The following CPNE1 variants were observed in gnomAD, a reference collection of about 807,000 sequenced individuals.
The protein encoded by CPNE1 is copine-1.
Under a neutral mutation model 63.2 loss-of-function variants are expected in CPNE1, and 58 were observed. The observed-to-expected ratio is 0.92, with a 90% CI of 0.74 to 1.14. The LOEUF is 1.14. Ranked by LOEUF, CPNE1 falls within the 50% of genes most tolerant of loss-of-function variation. The pLI, the probability that CPNE1 is intolerant of heterozygous loss-of-function variation, is 0.00. For missense variants in CPNE1, 672 were observed against 661.7 expected, an observed-to-expected ratio of 1.02 and a Z score of -0.17; for synonymous variants, 237 against 249.0, an observed-to-expected ratio of 0.95 and a Z score of 0.45.
At chr20:35,655,584 A>G (rs1355085839) in intron 1 of CPNE1, among the ~76,000 whole-genome samples, 3 of 152,230 alleles carry the variant, frequency 2.0e-5, no homozygotes, top group Non-Finnish European at 4.4e-5. Context: ...CCCAAGACTC[A>G]AAAAGTTCAA....
intron 1 of CPNE1, among the ~76,000 whole-genome samples, chr20:35,637,248 A>G (rs2032539118): frequency 6.6e-6 from 1 of 152,036 alleles, no homozygotes; most frequent in Non-Finnish European, 1.5e-5. Context: ...CCCAGATGCC[A>G]GCTTCCAGTC....
intron 1 of CPNE1, among the ~76,000 whole-genome samples, chr20:35,638,205 T>G (rs957318233): frequency 2.0e-5 from 3 of 152,182 alleles, no homozygotes; most frequent in African/African-American, 7.2e-5. Context: ...TGAATGTGCT[T>G]TTGCTCAAGT....
chr20:35,640,682 A>C (rs1281919233), intron 1 of CPNE1, among the ~76,000 whole-genome samples: 1 of 152,096 alleles, frequency 6.6e-6, no homozygotes, highest in Non-Finnish European at 1.5e-5. Context: ...CTCCTCTTGG[A>C]CTGTAACTTC....
At chr20:35,663,919 C>G (rs529125015) in intron 1 of CPNE1, among the ~76,000 whole-genome samples, 1 of 152,200 alleles carries the variant, frequency 6.6e-6, no homozygotes, top group African/African-American at 2.4e-5. Flanking sequence ...ACCCACCCTC[C>G]GCAGCCCACT....
At chr20:35,628,482 G>A (rs994216144) in intron 13 of CPNE1, among the ~76,000 whole-genome samples, 5 of 152,000 alleles carry the variant, frequency 3.3e-5, no homozygotes, top group Non-Finnish European at 5.9e-5. Flanking sequence ...CTGGTAATAG[G>A]ACAAATCAAC....
At position 35,631,862 on chromosome 20, in the gene CPNE1, T is replaced by C. The variant is rs897995698; in HGVS notation, c.537+83A>G. On this transcript the variant is annotated intron_variant, in intron 6 of 15. Transcript: ENST00000397443. ...CACTTCTCTACCCACCTGCAGTCTC[T>C]TTCTGAGTTCCAAACCTTGCTAGTC... 3.3e-6 allele frequency: 5 copies of C among 1,535,724 alleles called. No homozygotes were observed. In the African/African-American group the frequency reaches 6.9e-5, roughly 21 times the overall value.
In CPNE1 at chr20:35,631,328, C is replaced by T. The variant is rs1445588182; in HGVS notation, c.741G>A (p.Glu247=). 6.2e-7 allele frequency: 1 copy of T among 1,614,162 alleles called. No individual in the cohort carries two copies. The highest frequency in any genetic ancestry group is 2.2e-5 in the East Asian group (1 of 44,886). ...VPAEFECIHP[E]KQQKKKSYKN... ...TGTAGCTTTTCTTTTTCTGCTGCTTCTCAGGGTGGATGCATTCAAACTCAG... is the reference window on the plus strand; with the variant it reads ...TGTAGCTTTTCTTTTTCTGCTGCTTTTCAGGGTGGATGCATTCAAACTCAG... The change falls in exon 9 of 16, where the codon GAG becomes GAA. Residue 247 remains glutamate (E), a synonymous_variant. Transcript: ENST00000397443.
chr20:35,656,907 T>C (rs1040695), intron 1 of CPNE1, among the ~76,000 whole-genome samples: 38,454 of 152,154 alleles, frequency 0.25, 5,620 homozygotes, highest in African/African-American at 0.41. Flanking sequence ...TTCTCAAGAA[T>C]ATTAGAAGGG....
In CPNE1 at chr20:35,629,075, T is replaced by TAC. The variant is rs371334408; in HGVS notation, c.1102+1362_1102+1363dup. Among the ~76,000 whole-genome samples the TAC allele has an allele frequency of 4.3e-3, 648 of 151,838 alleles. 5 individuals carry two copies. Among genetic ancestry groups the TAC allele is most frequent in the African/African-American group, 0.015 (618 of 41,472 alleles). On this transcript the variant is annotated intron_variant, in intron 13 of 15. Transcript: ENST00000397443. Reference sequence around the variant, plus strand: ...ATGTGTGTGTATATGTATACATGTGTACACACACACACACATATACACACA... The same window carrying TAC: ...ATGTGTGTGTATATGTATACATGTGTACACACACACACACACATATACACACA...
chr20:35,647,671 A>G (rs1202506259), intron 1 of CPNE1, among the ~76,000 whole-genome samples: 2 of 152,144 alleles, frequency 1.3e-5, no homozygotes, highest in South Asian at 2.1e-4. Flanking sequence ...GTTGATCCAG[A>G]AAAGGAGTCA....
At position 35,632,206 on chromosome 20, in the gene CPNE1, C is replaced by T. The variant is rs777585822; in HGVS notation, c.413G>A (p.Arg138His). 36 of 1,614,020 alleles carry T rather than the reference C, an allele frequency of 2.2e-5. No individual in the cohort carries two copies. The Admixed American group carries it at 2.5e-4, about 11-fold the overall frequency. Residue 138 changes from arginine (R) to histidine (H), a missense_variant, in exon 5 of 16, where the codon CGT becomes CAT. Transcript: ENST00000397443. ...GGCCTCTACCTCCATGGTTACTACA[C>T]GATTGTCCTTTAATTCCTGAGCTGA... ...TVSAQELKDN[R>H]VVTMEVEARN... is the part of the protein sequence containing the mutation.
intron 1 of CPNE1, among the ~76,000 whole-genome samples, chr20:35,637,341 C>T (rs912387429): frequency 6.6e-6 from 1 of 152,098 alleles, no homozygotes; most frequent in Non-Finnish European, 1.5e-5. Flanking sequence ...TGCACAACTC[C>T]AAAGGACATA....
At chr20:35,649,238 T>C (rs2033332918) in intron 1 of CPNE1, 1 of 152,242 alleles carries the variant, frequency 6.6e-6, no homozygotes, top group East Asian at 1.9e-4. Context: ...ACATTTTCTT[T>C]ACTCATTTCC....
intron 1 of CPNE1, among the ~76,000 whole-genome samples, chr20:35,659,564 G>T (rs1413496427): frequency 6.6e-6 from 1 of 152,088 alleles, no homozygotes; most frequent in Non-Finnish European, 1.5e-5. Flanking sequence ...CTTGCTATAA[G>T]GACTAATTCC....
chr20:35,651,031 A>T (rs936541395), intron 1 of CPNE1: 1 of 152,426 alleles, frequency 6.6e-6, no homozygotes, highest in African/African-American at 2.4e-5. Context: ...CAGAGCATTG[A>T]CTAGGGAAAG....
chr20:35,656,460 G>A (rs2033902541), intron 1 of CPNE1, among the ~76,000 whole-genome samples: 1 of 152,162 alleles, frequency 6.6e-6, no homozygotes, highest in African/African-American at 2.4e-5. Flanking sequence ...ATTGGGCCTG[G>A]GAAACATACT....
intron 1 of CPNE1, among the ~76,000 whole-genome samples, chr20:35,641,776 C>A (rs1289754813): frequency 6.6e-6 from 1 of 152,188 alleles, no homozygotes; most frequent in Non-Finnish European, 1.5e-5. Context: ...CAGCTTCTTG[C>A]CTGTCAATTA....
intron 1 of CPNE1, among the ~76,000 whole-genome samples, chr20:35,641,964 C>G (rs915375912): frequency 1.3e-5 from 2 of 152,174 alleles, no homozygotes; most frequent in Non-Finnish European, 2.9e-5. Flanking sequence ...AAGCAGGTGG[C>G]CTTGGTAAGT....
intron 1 of CPNE1, chr20:35,654,487 G>GGACCAA: frequency 6.2e-7 from 1 of 1,614,172 alleles, no homozygotes; most frequent in Non-Finnish European, 8.5e-7. Context: ...AGGATTCAAC[G>GGACCAA]GACCAAGAAA....
Sources: gnomAD v4.1 joint callset for allele counts (sites outside exome capture counted in the v4.1 genomes callset) on GRCh38, gnomAD v4.1.1 for gene constraint, MANE v1.5 for transcripts, NCBI Gene and HGNC (gene_info 2026-07-23, HGNC 2026-07-21) for gene names.